Variants in NTNG1 observed in about 807,000 individuals in gnomAD.
NTNG1 encodes the protein netrin-G1.
A neutral mutation model predicts 54.0 loss-of-function variants in NTNG1; 16 were observed. The ratio of observed to expected loss-of-function variants is 0.30; its 90% CI spans 0.20 to 0.45. The LOEUF (loss-of-function observed/expected upper bound fraction) is 0.45, where lower values mean the gene tolerates loss of function less well. NTNG1 is among the 20% of genes least tolerant of loss of function. The probability of loss-of-function intolerance (pLI) is 1.00; values close to 1 mark genes in which losing one functional copy is unlikely to be tolerated. For synonymous variants in NTNG1, 255 were observed against 263.1 expected (o/e 0.97, Z 0.30); for missense variants, 530 against 678.7 (o/e 0.78, Z 2.43).
At chr1:107,394,852 G>T (rs1557962256) in intron 3 of NTNG1, among the ~76,000 whole-genome samples, 3 of 152,120 alleles carry the variant, frequency 2.0e-5, no homozygotes, top group Non-Finnish European at 4.4e-5. Context: ...GGAACCTGTT[G>T]GGAACCCCTT....
At chr1:107,347,114 C>T (rs1173888515) in intron 3 of NTNG1, among the ~76,000 whole-genome samples, 1 of 151,992 alleles carries the variant, frequency 6.6e-6, no homozygotes, top group Non-Finnish European at 1.5e-5. Flanking sequence ...TCTTTGTCGT[C>T]ACACAGACTG....
intron 2 of NTNG1, among the ~76,000 whole-genome samples, chr1:107,282,409 A>C (rs539596796): frequency 6.6e-6 from 1 of 152,196 alleles, no homozygotes; most frequent in Non-Finnish European, 1.5e-5. Flanking sequence ...TGAATTTACT[A>C]TATCAATATT....
At chr1:107,431,036 A>G (rs1675229433) in intron 6 of NTNG1, 119 bp downstream of exon 6, 1 of 823,178 alleles carries the variant, frequency 1.2e-6, no homozygotes, top group South Asian at 1.8e-5. Context: ...TTCTCAATGT[A>G]GAAAATATCC....
intron 7 of NTNG1, among the ~76,000 whole-genome samples, chr1:107,439,399 A>G (rs1206517607): frequency 1.3e-5 from 2 of 151,886 alleles, no homozygotes; most frequent in African/African-American, 4.8e-5. Context: ...AAGACATTTT[A>G]TGTTGTCAGG....
At chr1:107,206,837 C>T (rs115268705) in intron 2 of NTNG1, among the ~76,000 whole-genome samples, 12 of 152,128 alleles carry the variant, frequency 7.9e-5, no homozygotes, top group African/African-American at 2.7e-4. Flanking sequence ...GACCATGGGC[C>T]GGCCTAGATT....
At chr1:107,228,105 C>T (rs1267805751) in intron 2 of NTNG1, among the ~76,000 whole-genome samples, 1 of 152,182 alleles carries the variant, frequency 6.6e-6, no homozygotes, top group East Asian at 1.9e-4. Context: ...CTTGCATCAA[C>T]TTTAAAACAT....
At chr1:107,397,929 T>C (rs1249232253) in intron 4 of NTNG1, among the ~76,000 whole-genome samples, 2 of 152,078 alleles carry the variant, frequency 1.3e-5, no homozygotes, top group Non-Finnish European at 2.9e-5. Context: ...AGCAGTTTTA[T>C]GATTCTCACT....
intron 2 of NTNG1, among the ~76,000 whole-genome samples, chr1:107,315,865 C>A (rs1012607740): frequency 6.6e-6 from 1 of 151,972 alleles, no homozygotes; most frequent in African/African-American, 2.4e-5. Flanking sequence ...TCTGTCATAT[C>A]CAATAACTAT....
At chr1:107,448,100 A>G (rs1164437235) in intron 7 of NTNG1, among the ~76,000 whole-genome samples, 1 of 152,056 alleles carries the variant, frequency 6.6e-6, no homozygotes, top group Non-Finnish European at 1.5e-5. Flanking sequence ...ATCTGAGACG[A>G]TTGACTTCCA....
At chr1:107,315,499 A>G (rs555788113) in intron 2 of NTNG1, among the ~76,000 whole-genome samples, 2 of 152,144 alleles carry the variant, frequency 1.3e-5, no homozygotes, top group Non-Finnish European at 2.9e-5. Flanking sequence ...CTTCTTCCCC[A>G]GCCTCATCCC....
At chr1:107,284,301 A>T (rs1008502368) in intron 2 of NTNG1, among the ~76,000 whole-genome samples, 4 of 152,196 alleles carry the variant, frequency 2.6e-5, no homozygotes, top group Admixed American at 1.3e-4. Context: ...AACCAACATC[A>T]GGAGAATTTG....
intron 5 of NTNG1, among the ~76,000 whole-genome samples, chr1:107,422,058 G>GA (rs1352703837): frequency 1.3e-5 from 2 of 152,032 alleles, no homozygotes; most frequent in Non-Finnish European, 2.9e-5. Flanking sequence ...GGCATATAGA[G>GA]AAAAAGTGGA....
intron 3 of NTNG1, among the ~76,000 whole-genome samples, chr1:107,366,009 A>G (rs886625894): frequency 6.6e-5 from 10 of 152,158 alleles, no homozygotes; most frequent in Non-Finnish European, 1.3e-4. Flanking sequence ...TAAGCTGATG[A>G]CAGATAAAGA....
rs149336257 is a variant in NTNG1 at position 107,299,857 on chromosome 1, TAC to T, written c.247-24411_247-24410del. Among the ~76,000 whole-genome samples the T allele has an allele frequency of 2.7e-4, 40 of 150,886 alleles. 2 individuals carry two copies. Among genetic ancestry groups the T allele is most frequent in the Admixed American group, 2.7e-4 (4 of 15,026 alleles). On this transcript the variant is annotated intron_variant, in intron 2 of 7. Transcript: ENST00000370068. ...TAATCTTGTTCTATGTATACACACA[TAC>T]ACACACACACACAGACACACACACT...
At chr1:107,333,407 T>C (rs935932398) in intron 3 of NTNG1, among the ~76,000 whole-genome samples, 2 of 152,056 alleles carry the variant, frequency 1.3e-5, no homozygotes, top group East Asian at 3.9e-4. Context: ...ATTTTGGAAG[T>C]GTTCACAATA....
chr1:107,281,081 T>C (rs3125667), intron 2 of NTNG1, among the ~76,000 whole-genome samples: 2,568 of 152,158 alleles, frequency 0.017, 64 homozygotes, highest in African/African-American at 0.059. Context: ...CTAACCTTCT[T>C]ACCTTCTCAA....
intron 2 of NTNG1, among the ~76,000 whole-genome samples, chr1:107,228,486 T>C (rs898973991): frequency 3.3e-5 from 5 of 152,194 alleles, no homozygotes; most frequent in Non-Finnish European, 7.3e-5. Context: ...ATGGCAATCA[T>C]TTCCATGTTA....
intron 3 of NTNG1, among the ~76,000 whole-genome samples, chr1:107,326,389 A>AT (rs946263508): frequency 5.3e-4 from 81 of 152,248 alleles, no homozygotes; most frequent in African/African-American, 1.9e-3. Context: ...TGACAGGGCA[A>AT]TACAGGAGCT....
intron 2 of NTNG1, among the ~76,000 whole-genome samples, chr1:107,315,243 T>G (rs990523652): frequency 2.0e-5 from 3 of 152,156 alleles, no homozygotes; most frequent in African/African-American, 7.2e-5. Context: ...CATCCTCTTC[T>G]GTCCATTTCC....
Sources: allele counts gnomAD v4.1 joint callset (sites outside exome capture counted in the v4.1 genomes callset), GRCh38; gene constraint gnomAD v4.1.1; transcripts MANE v1.5; gene names NCBI Gene and HGNC (gene_info 2026-07-23, HGNC 2026-07-21).